Variants in PCLO observed in about 807,000 individuals in gnomAD.
PCLO encodes the protein piccolo presynaptic cytomatrix protein.
A neutral mutation model predicts 427.5 loss-of-function variants in PCLO; 82 were observed. The observed-to-expected ratio is 0.19, with a 90% confidence interval of 0.16 to 0.23. PCLO has a LOEUF of 0.23. PCLO is among the 10% of genes least tolerant of loss of function. The pLI is 1.00. For synonymous variants in PCLO, 2,357 were observed against 2,155.4 expected, an observed-to-expected ratio of 1.09 and a Z score of -2.59; for missense variants, 6,239 against 6,115.9, an observed-to-expected ratio of 1.02 and a Z score of -0.67.
chr7:83,139,750 G>C (rs1168341121), intron 2 of PCLO, among the ~76,000 whole-genome samples: 1 of 152,058 alleles, frequency 6.6e-6, no homozygotes, highest in Non-Finnish European at 1.5e-5. Flanking sequence ...AAAGATATTT[G>C]ATCCATCAAC....
chr7:82,783,703 T>A (rs186745692), intron 22 of PCLO, among the ~76,000 whole-genome samples: 22 of 152,258 alleles, frequency 1.4e-4, no homozygotes, highest in African/African-American at 4.3e-4. Flanking sequence ...ATATTGTTTT[T>A]AAATTAATTA....
At chr7:83,066,471 T>A (rs1476558576) in intron 3 of PCLO, among the ~76,000 whole-genome samples, 1 of 152,136 alleles carries the variant, frequency 6.6e-6, no homozygotes, top group Non-Finnish European at 1.5e-5. Flanking sequence ...CATCTATAAA[T>A]ACAAGTTGAA....
chr7:82,879,792 C>A (rs1793458200), intron 9 of PCLO: 1 of 444,700 alleles, frequency 2.2e-6, no homozygotes, highest in Non-Finnish European at 4.4e-6. Flanking sequence ...CCAGAGCATA[C>A]AATTCACTTA....
intron 22 of PCLO, among the ~76,000 whole-genome samples, chr7:82,792,149 C>G (rs2129468429): frequency 6.6e-6 from 1 of 152,038 alleles, no homozygotes; most frequent in East Asian, 1.9e-4. Context: ...AAAAAGAGTA[C>G]TTAATTGTAA....
chr7:82,996,930 T>C (rs1787632364), intron 3 of PCLO, among the ~76,000 whole-genome samples: 1 of 151,976 alleles, frequency 6.6e-6, no homozygotes, highest in Admixed American at 6.6e-5. Context: ...AAAGCCTCTG[T>C]GAAAAATTTA....
intron 2 of PCLO, among the ~76,000 whole-genome samples, chr7:83,139,753 C>G (rs1048074506): frequency 6.6e-6 from 1 of 152,100 alleles, no homozygotes; most frequent in Non-Finnish European, 1.5e-5. Context: ...GATATTTGAT[C>G]CATCAACATT....
chr7:82,902,281 A>G (rs1025205497), intron 9 of PCLO, among the ~76,000 whole-genome samples: 1 of 151,834 alleles, frequency 6.6e-6, no homozygotes, highest in African/African-American at 2.4e-5. Context: ...TTGTAGGGAC[A>G]TGGATGAAAT....
chr7:82,864,957 CCA>C (rs1793056058), intron 10 of PCLO, among the ~76,000 whole-genome samples: 2 of 151,986 alleles, frequency 1.3e-5, no homozygotes, highest in African/African-American at 4.8e-5. Flanking sequence ...TTCATTTTTT[CCA>C]CAGTTTATTA....
intron 3 of PCLO, among the ~76,000 whole-genome samples, chr7:82,999,116 T>C (rs1787709745): frequency 6.9e-6 from 1 of 145,094 alleles, no homozygotes; most frequent in Non-Finnish European, 1.5e-5. Context: ...ATATCAAGAA[T>C]ATATCAATAG....
At chr7:83,084,303 AT>A (rs1790176367) in intron 3 of PCLO, among the ~76,000 whole-genome samples, 1 of 152,154 alleles carries the variant, frequency 6.6e-6, no homozygotes, top group African/African-American at 2.4e-5. Context: ...ATATTTTGAA[AT>A]GACCGTTTTA....
At chr7:82,844,339 G>A (rs1344309428) in intron 13 of PCLO, among the ~76,000 whole-genome samples, 1 of 152,004 alleles carries the variant, frequency 6.6e-6, no homozygotes, top group Non-Finnish European at 1.5e-5. Context: ...AAATTACTTT[G>A]CTTATGAAGC....
At chr7:82,878,249 T>C (rs748352374) in intron 10 of PCLO, among the ~76,000 whole-genome samples, 1 of 152,138 alleles carries the variant, frequency 6.6e-6, no homozygotes, top group South Asian at 2.1e-4. Flanking sequence ...TGCTTCTAAT[T>C]TGTGTTTATT....
intron 3 of PCLO, among the ~76,000 whole-genome samples, chr7:82,986,686 C>T (rs1796264033): frequency 6.6e-6 from 1 of 151,828 alleles, no homozygotes; most frequent in Non-Finnish European, 1.5e-5. Flanking sequence ...ATTTAAGGCA[C>T]ATTTAATTAA....
At chr7:82,972,706 A>C (rs1795932403) in intron 3 of PCLO, among the ~76,000 whole-genome samples, 1 of 152,070 alleles carries the variant, frequency 6.6e-6, no homozygotes, top group Non-Finnish European at 1.5e-5. Context: ...AAATCCAAGC[A>C]ATCAAGGAGA....
intron 12 of PCLO, among the ~76,000 whole-genome samples, chr7:82,845,732 A>C (rs542662657): frequency 2.6e-5 from 4 of 152,294 alleles, no homozygotes; most frequent in Admixed American, 2.6e-4. Context: ...CTTCAGAAAA[A>C]TGTTTTTAAT....
At chr7:83,122,865 GA>G (rs892585624) in intron 3 of PCLO, among the ~76,000 whole-genome samples, 9 of 151,978 alleles carry the variant, frequency 5.9e-5, no homozygotes, top group African/African-American at 2.2e-4. Context: ...CACAAAATAA[GA>G]AAGTAACTTT....
intron 22 of PCLO, among the ~76,000 whole-genome samples, chr7:82,762,474 G>A (rs886569290): frequency 2.6e-5 from 4 of 151,916 alleles, no homozygotes; most frequent in Non-Finnish European, 5.9e-5. Context: ...CATGGCTGTA[G>A]ATAATTTATT....
At chr7:82,929,058 A>C (rs1219252844) in intron 6 of PCLO, among the ~76,000 whole-genome samples, 1 of 152,136 alleles carries the variant, frequency 6.6e-6, no homozygotes, top group Non-Finnish European at 1.5e-5. Context: ...TTTTTAGGGA[A>C]AAGAGGCATA....
intron 18 of PCLO, among the ~76,000 whole-genome samples, chr7:82,825,754 A>G (rs1791921907): frequency 8.0e-6 from 1 of 124,848 alleles, no homozygotes; most frequent in Admixed American, 8.5e-5. Flanking sequence ...TTGTATATAG[A>G]CATATATACA....
Sources: allele counts gnomAD v4.1 joint callset (sites outside exome capture counted in the v4.1 genomes callset), GRCh38; gene constraint gnomAD v4.1.1; transcripts MANE v1.5; gene names NCBI Gene and HGNC (gene_info 2026-07-23, HGNC 2026-07-21).